LTBP4: variants seen among roughly 807,000 people sequenced by gnomAD.
The protein encoded by LTBP4 is latent-transforming growth factor beta-binding protein 4.
A neutral mutation model predicts 180.2 loss-of-function variants in LTBP4; 93 were observed. The ratio of observed to expected loss-of-function variants is 0.52; its 90% CI spans 0.44 to 0.61. The LOEUF is 0.61. Ranked by LOEUF, LTBP4 falls within the 20% of genes least tolerant of loss-of-function variation. The pLI is 0.00. For synonymous variants in LTBP4, 947 were observed against 934.5 expected (o/e 1.01, Z -0.24); for missense variants, 2,116 against 2,256.5 (o/e 0.94, Z 1.26).
In LTBP4 at chr19:40,614,323, G is replaced by T; in HGVS notation, c.2689G>T (p.Glu897Ter). The change falls in exon 19 of 30, where the codon GAA (glutamate) becomes TAA (stop). Residue 897 changes from glutamate (E) to a stop codon, truncating the protein, a stop_gained. Coordinates refer to ENST00000396819, the MANE Select transcript of LTBP4 (RefSeq NM_001042545.2). LOFTEE classifies it high-confidence loss of function. ...CCGACCTCTCTCCTCAGACGTGGAC[G>T]AATGTCGCGAGCGAGGCCCAGCCCT... ...PDLASCLDVD[E>*]CRERGPALCG... 1 of 1,599,148 alleles carries T rather than the reference G, an allele frequency of 6.3e-7. No homozygotes were observed. The highest frequency in any genetic ancestry group is 8.5e-7 in the Non-Finnish European group (1 of 1,179,318).
chr19:40,606,435 C>G lies in LTBP4; in HGVS notation c.900C>G (p.Cys300Trp). ...ATGAGTGCGCGACTGGCGGGCGCTG[C>G]CAGCACGGCGAGTGTGCAAACACGC... Reference protein sequence around the residue: ...DVDECATGGRCQHGECANTRG... With the variant: ...DVDECATGGRWQHGECANTRG... Residue 300 changes from cysteine to tryptophan, a missense_variant, in exon 6 of 30, where the codon TGC becomes TGG. By Grantham distance (215) the Cys-to-Trp change is radical (BLOSUM62 -2). This residue lies in a region of LTBP4 where 469 missense variants were observed against 532.5 expected (regional missense o/e 0.88). Coordinates refer to ENST00000396819, the MANE Select transcript of LTBP4 (RefSeq NM_001042545.2). 1 of 1,590,708 alleles carries G rather than the reference C, an allele frequency of 6.3e-7. No individual in the cohort carries two copies. The highest frequency in any genetic ancestry group is 8.6e-7 in the Non-Finnish European group (1 of 1,168,372).
Position 40,605,983 on chromosome 19 carries a change from C to T in LTBP4, c.793+152C>T, listed in dbSNP as rs1032039771. ...GACTTCCAGTCCTGAGCTTTTCATA[C>T]CGCTCTGGGACCACCCACCCCATTT... On this transcript the variant is annotated intron_variant, in intron 4 of 29. Transcript: ENST00000396819. The surrounding 1 kb of genome is among the most constrained non-coding windows in gnomAD (Gnocchi z 5.5). Among the ~76,000 whole-genome samples, 1 of 152,226 alleles carries T rather than the reference C, an allele frequency of 6.6e-6. No individual in the cohort carries two copies. Among genetic ancestry groups the T allele is most frequent in the Non-Finnish European group, 1.5e-5 (1 of 68,040 alleles).
chr19:40,599,178 T>C (rs376617184), upstream of LTBP4: 155 of 1,596,538 alleles, frequency 9.7e-5, no homozygotes, highest in Non-Finnish European at 1.3e-4. Flanking sequence ...CTGAGTGACT[T>C]CCACTCCACT....
Position 40,622,301 on chromosome 19 carries a change from C to G in LTBP4, c.3218-100C>G. ...GGTTCTGCCACTGATGGCTGCCACC[C>G]TCTGTTTCCCTATCTATGCCAGCCT... On this transcript the variant is annotated intron_variant, in intron 22 of 29. Coordinates refer to ENST00000396819, the MANE Select transcript of LTBP4 (RefSeq NM_001042545.2). The surrounding 1 kb of genome is among the most constrained non-coding windows in gnomAD (Gnocchi z 5.1). The G allele has an allele frequency of 2.2e-6, 3 of 1,334,342 alleles. 1 individual carries two copies. In the South Asian group the frequency reaches 4.8e-5, roughly 21 times the overall value. The allele number at this position is 1,334,342 out of a possible 1,614,324, so 82.7% of individuals were successfully genotyped here.
intron 8 of LTBP4, 51 bp downstream of exon 8, chr19:40,608,420 C>T: frequency 6.2e-7 from 1 of 1,601,878 alleles, no homozygotes; most frequent in Non-Finnish European, 8.5e-7. Context: ...GCTGCCCCAG[C>T]CCCATAGTGA....
Position 40,609,852 on chromosome 19 carries a change from A to G in LTBP4, c.1665A>G (p.Pro555=), listed in dbSNP as rs1366452008. 1.3e-6 allele frequency: 2 copies of G among 1,588,330 alleles called. No individual in the cohort carries two copies. Among genetic ancestry groups the G allele is most frequent in the Non-Finnish European group, 8.6e-7 (1 of 1,165,934 alleles). ...CVCGPGFRAG[P]RAAECLDVDE... is the part of the protein sequence containing the mutation. ...GCGGCCCGGGCTTCCGAGCCGGCCC[A>G]CGGGCTGCGGAATGCCTGGGTGAGA... The change falls in exon 11 of 30, where the codon CCA becomes CCG. Residue 555 remains proline (P), a synonymous_variant. Transcript: ENST00000396819. The surrounding 1 kb of genome is among the most constrained non-coding windows in gnomAD (Gnocchi z 4.9).
At chr19:40,624,787 C>G (rs1315915326) in intron 26 of LTBP4, among the ~76,000 whole-genome samples, 6 of 151,368 alleles carry the variant, frequency 4.0e-5, no homozygotes, top group African/African-American at 1.5e-4. Context: ...TGAGTGCTGC[C>G]TGTTATTATT....
At chr19:40,610,447 C>T (rs1315490540) in intron 11 of LTBP4, 85 bp from the exon 12 acceptor site, 23 of 1,482,458 alleles carry the variant, frequency 1.6e-5, no homozygotes, top group Non-Finnish European at 2.0e-5. Context: ...TGGTCCCGCT[C>T]CCGCTTCCCT....
At position 40,614,342 on chromosome 19, in the gene LTBP4, C is replaced by T. The variant is rs1258321386; in HGVS notation, c.2708C>T (p.Pro903Leu). The change falls in exon 19 of 30, where the codon CCA becomes CTA. Residue 903 changes from proline (P) to leucine (L), a missense_variant. Physicochemically the swap from Pro to Leu is moderately conservative, Grantham distance 98. Coordinates refer to ENST00000396819, the MANE Select transcript of LTBP4 (RefSeq NM_001042545.2). ...GTGGACGAATGTCGCGAGCGAGGCC[C>T]AGCCCTGTGCGGGTCGCAGCGCTGT... ...LDVDECRERG[P>L]ALCGSQRCEN... The T allele has an allele frequency of 6.2e-7, 1 of 1,600,214 alleles. No individual in the cohort carries two copies. The highest frequency in any genetic ancestry group is 1.1e-5 in the South Asian group (1 of 91,082).
At chr19:40,610,920 A>C (rs2081501186) in intron 12 of LTBP4, 1 of 717,262 alleles carries the variant, frequency 1.4e-6, no homozygotes, top group South Asian at 2.0e-5. Context: ...GGGTAAGGGG[A>C]GCAGAGTTAT....
chr19:40,599,373 A>G, upstream of LTBP4: 1 of 1,609,990 alleles, frequency 6.2e-7, no homozygotes, highest in Non-Finnish European at 8.5e-7. Context: ...TTGGTAGAGA[A>G]GTACTTGGTC....
chr19:40,620,907 C>T (rs1052579604), intron 22 of LTBP4, among the ~76,000 whole-genome samples: 5 of 151,908 alleles, frequency 3.3e-5, no homozygotes, highest in African/African-American at 9.7e-5. Flanking sequence ...CAAATGATCC[C>T]GTCACCCAGA....
intron 4 of LTBP4, 36 bp from the exon 5 acceptor site, chr19:40,606,197 A>C (rs769475842): frequency 6.5e-6 from 10 of 1,545,984 alleles, no homozygotes; most frequent in Non-Finnish European, 8.8e-6. Flanking sequence ...CGCTCTGCCC[A>C]CCTGTCCCTG....
In LTBP4 at chr19:40,605,368, G is replaced by C. The variant is rs374855586; in HGVS notation, c.443-37G>C. The C allele has an allele frequency of 6.8e-6, 11 of 1,609,452 alleles. No individual in the cohort carries two copies. The highest frequency in any genetic ancestry group is 9.3e-6 in the Non-Finnish European group (11 of 1,177,748). On this transcript the variant is annotated intron_variant, in intron 2 of 29. Transcript: ENST00000396819. The surrounding 1 kb of genome is among the most constrained non-coding windows in gnomAD (Gnocchi z 5.5). ...GTCTAGCCCCACCCCGTAAGAACCCGTGTAGACATCCGTTTGCCCGGCCGT... is the reference window on the plus strand; with the variant it reads ...GTCTAGCCCCACCCCGTAAGAACCCCTGTAGACATCCGTTTGCCCGGCCGT...
At chr19:40,614,948 C>G (rs1429896181) in intron 19 of LTBP4, among the ~76,000 whole-genome samples, 2 of 152,206 alleles carry the variant, frequency 1.3e-5, no homozygotes, top group Admixed American at 6.5e-5. Context: ...GGCCCCCGCC[C>G]GTTTAAGCTC....
upstream of LTBP4, chr19:40,599,165 G>C: frequency 6.3e-7 from 1 of 1,580,596 alleles, no homozygotes; most frequent in Non-Finnish European, 8.6e-7. Flanking sequence ...GGGTGCTAGG[G>C]GCCTGAGTGA....
intron 7 of LTBP4, among the ~76,000 whole-genome samples, chr19:40,607,791 C>T (rs762655733): frequency 1.3e-5 from 2 of 152,226 alleles, no homozygotes; most frequent in Non-Finnish European, 2.9e-5. Context: ...TGAGCGTCAA[C>T]GCCCAGTCCC....
At position 40,629,557 on chromosome 19, in the gene LTBP4, GCACCCGCTGGCCGCC is replaced by G. The variant is rs1473552959; in HGVS notation, c.*15_*29del. 7 of 1,402,120 alleles carry G rather than the reference GCACCCGCTGGCCGCC, an allele frequency of 5.0e-6. No individual in the cohort carries two copies. The highest frequency in any genetic ancestry group is 9.2e-7 in the Non-Finnish European group (1 of 1,081,202). 86.9% of individuals were successfully genotyped at this position (1,402,120 alleles called of 1,614,324 possible). A position where few individuals can be genotyped will look rare whatever the true frequency, so the allele number is the denominator to read the frequency against. On this transcript the variant is annotated 3_prime_UTR_variant, in exon 30 of 30. Coordinates refer to ENST00000396819, the MANE Select transcript of LTBP4 (RefSeq NM_001042545.2). This position sits in a 1 kb window ranked among gnomAD's most constrained non-coding sequence, Gnocchi z 4.5. ...CGCACGGCCCCGGGCCTGAGCCCTGGCACCCGCTGGCCGCCCACCCGCGCCCGCCACTCGGGGCCC... is the reference window on the plus strand; with the variant it reads ...CGCACGGCCCCGGGCCTGAGCCCTGGCACCCGCGCCCGCCACTCGGGGCCC...
chr19:40,599,330 C>T, upstream of LTBP4: 1 of 1,611,268 alleles, frequency 6.2e-7, no homozygotes, highest in Non-Finnish European at 8.5e-7. Flanking sequence ...CTCCCCATCC[C>T]TCCCCTCATC....
Sources: gnomAD v4.1 joint callset for allele counts (sites outside exome capture counted in the v4.1 genomes callset) on GRCh38, gnomAD v4.1.1 for gene constraint, gnomAD v4.1.1 regional missense constraint, Gnocchi (gnomAD v3.1) non-coding constraint, MANE v1.5 for transcripts, NCBI Gene and HGNC (gene_info 2026-07-23, HGNC 2026-07-21) for gene names.